GRM7: variants seen among roughly 807,000 people sequenced by gnomAD.
The protein encoded by GRM7 is glutamate metabotropic receptor 7.
GRM7 carries 35 observed loss-of-function variants against 84.5 expected under a neutral mutation model. That is an observed-to-expected ratio of 0.41 (90% confidence interval 0.32 to 0.55). The LOEUF is 0.55. GRM7 is among the 20% of genes least tolerant of loss of function. The pLI is 0.19. For missense variants in GRM7, 1,003 were observed against 1,194.6 expected (o/e 0.84, Z 2.36); for synonymous variants, 487 against 455.1 (o/e 1.07, Z -0.89).
At chr3:7,084,642 G>C (rs6799384) in intron 1 of GRM7, among the ~76,000 whole-genome samples, 19,246 of 152,038 alleles carry the variant, frequency 0.13, 3,169 homozygotes, top group African/African-American at 0.37. Flanking sequence ...TCTAGGTGTA[G>C]TTATTGTGAT....
intron 4 of GRM7, among the ~76,000 whole-genome samples, chr3:7,333,326 CG>C (rs948654149): frequency 6.6e-6 from 1 of 152,146 alleles, no homozygotes; most frequent in Non-Finnish European, 1.5e-5. Context: ...TGCAGACATT[CG>C]CCAGCACCAG....
chr3:7,674,443 C>T (rs979657979), intron 8 of GRM7, among the ~76,000 whole-genome samples: 6 of 152,086 alleles, frequency 3.9e-5, no homozygotes, highest in South Asian at 2.1e-4. Flanking sequence ...CTGCCTGCCT[C>T]GGCCTTCCAA....
At chr3:7,475,782 G>T (rs889159085) in intron 7 of GRM7, among the ~76,000 whole-genome samples, 1 of 152,156 alleles carries the variant, frequency 6.6e-6, no homozygotes, top group Non-Finnish European at 1.5e-5. Flanking sequence ...AGGCATATCC[G>T]GTATTGTGGG....
At chr3:7,531,837 T>C (rs1701048142) in intron 7 of GRM7, among the ~76,000 whole-genome samples, 1 of 152,198 alleles carries the variant, frequency 6.6e-6, no homozygotes, top group South Asian at 2.1e-4. Flanking sequence ...CTTCCAATAC[T>C]ATGTTGAATA....
intron 7 of GRM7, among the ~76,000 whole-genome samples, chr3:7,468,048 C>T (rs973913426): frequency 1.3e-5 from 2 of 152,146 alleles, no homozygotes; most frequent in Non-Finnish European, 2.9e-5. Flanking sequence ...CTGTTTAATA[C>T]AATTAAATGT....
At chr3:7,495,105 G>T (rs1418583704) in intron 7 of GRM7, among the ~76,000 whole-genome samples, 1 of 152,072 alleles carries the variant, frequency 6.6e-6, no homozygotes, top group Non-Finnish European at 1.5e-5. Flanking sequence ...TTAAAATTTG[G>T]CATGTGGGTG....
chr3:7,523,324 C>T (rs1700669700), intron 7 of GRM7, among the ~76,000 whole-genome samples: 2 of 152,022 alleles, frequency 1.3e-5, no homozygotes, highest in Admixed American at 1.3e-4. Flanking sequence ...TGCCTATTTC[C>T]TCTCCCCTAT....
chr3:7,419,382 A>G (rs566443956), intron 5 of GRM7, among the ~76,000 whole-genome samples: 6 of 152,152 alleles, frequency 3.9e-5, no homozygotes, highest in Non-Finnish European at 8.8e-5. Flanking sequence ...TGTGCATTAT[A>G]GAGAGCATCA....
At chr3:7,155,287 T>G (rs1267887519) in intron 2 of GRM7, among the ~76,000 whole-genome samples, 1 of 152,106 alleles carries the variant, frequency 6.6e-6, no homozygotes, top group Non-Finnish European at 1.5e-5. Flanking sequence ...TATTTCCCAA[T>G]GTAATTTTAG....
chr3:7,425,010 T>C (rs1177852198), intron 5 of GRM7, among the ~76,000 whole-genome samples: 1 of 152,152 alleles, frequency 6.6e-6, no homozygotes, highest in Non-Finnish European at 1.5e-5. Flanking sequence ...AGCTTATTTC[T>C]CCCTATGCTG....
chr3:7,112,908 C>T (rs1350580449), intron 1 of GRM7, among the ~76,000 whole-genome samples: 1 of 152,108 alleles, frequency 6.6e-6, no homozygotes, highest in Non-Finnish European at 1.5e-5. Flanking sequence ...AACAGAAGCT[C>T]CTTCCCTTTC....
At chr3:7,637,358 C>A (rs1698142996) in intron 8 of GRM7, among the ~76,000 whole-genome samples, 1 of 152,152 alleles carries the variant, frequency 6.6e-6, no homozygotes, top group South Asian at 2.1e-4. Context: ...GTGGCTTGAT[C>A]ATATGTTTCC....
At chr3:6,930,763 T>C (rs557682605) in intron 1 of GRM7, among the ~76,000 whole-genome samples, 1 of 152,208 alleles carries the variant, frequency 6.6e-6, no homozygotes, top group South Asian at 2.1e-4. Flanking sequence ...TAGATCAAGA[T>C]GTCAATTTCC....
rs77530521 is a variant in GRM7 at position 7,188,784 on chromosome 3, C to G, written c.736+42116C>G. 6.6e-6 allele frequency among the ~76,000 whole-genome samples: 1 copy of G among 152,126 alleles called. No homozygotes were observed. Among genetic ancestry groups the G allele is most frequent in the African/African-American group, 2.4e-5 (1 of 41,392 alleles). Reference sequence around the variant, plus strand: ...GCAATTTTGAGATTCAGCCTCCTTTCCTCCTGTGGCCCTGATATTCTGTAG... The same window carrying G: ...GCAATTTTGAGATTCAGCCTCCTTTGCTCCTGTGGCCCTGATATTCTGTAG... On this transcript the variant is annotated intron_variant, in intron 2 of 9. Transcript: ENST00000357716. This position sits in a 1 kb window ranked among gnomAD's most constrained non-coding sequence, Gnocchi z 4.2.
intron 2 of GRM7, among the ~76,000 whole-genome samples, chr3:7,229,777 T>G (rs1401556885): frequency 9.7e-6 from 1 of 103,230 alleles, no homozygotes; most frequent in African/African-American, 3.2e-5. Context: ...TTTTTTTTGG[T>G]TGACAGGTGT....
intron 1 of GRM7, among the ~76,000 whole-genome samples, chr3:6,986,913 C>G (rs1262043708): frequency 6.6e-6 from 1 of 152,138 alleles, no homozygotes; most frequent in Admixed American, 6.5e-5. Flanking sequence ...ACCTGTTACT[C>G]AGAAAGCATG....
At chr3:7,148,779 A>C (rs1391006668) in intron 2 of GRM7, among the ~76,000 whole-genome samples, 1 of 152,182 alleles carries the variant, frequency 6.6e-6, no homozygotes, top group Non-Finnish European at 1.5e-5. Flanking sequence ...GCTAAAAAAT[A>C]AGGATTCCGT....
At chr3:7,190,410 T>C (rs1439872033) in intron 2 of GRM7, among the ~76,000 whole-genome samples, 1 of 152,110 alleles carries the variant, frequency 6.6e-6, no homozygotes, top group African/African-American at 2.4e-5. Context: ...CAGAAGCAGA[T>C]TTCAAAACAG....
chr3:7,418,678 T>C (rs1575308680), intron 5 of GRM7, among the ~76,000 whole-genome samples: 1 of 152,134 alleles, frequency 6.6e-6, no homozygotes, highest in Non-Finnish European at 1.5e-5. Context: ...GGGAATAATA[T>C]GTTTCAATGG....
Sources: allele counts gnomAD v4.1 joint callset (sites outside exome capture counted in the v4.1 genomes callset), GRCh38; gene constraint gnomAD v4.1.1; non-coding constraint Gnocchi (gnomAD v3.1); transcripts MANE v1.5; gene names NCBI Gene and HGNC (gene_info 2026-07-23, HGNC 2026-07-21).